MSRA: variants seen among roughly 807,000 people sequenced by gnomAD.
The protein encoded by MSRA is mitochondrial peptide methionine sulfoxide reductase.
A neutral mutation model predicts 31.3 loss-of-function variants in MSRA; 54 were observed. That is an observed-to-expected ratio of 1.73 (90% CI 1.39 to 2.17). The LOEUF is 2.17. Among genes scored for constraint, MSRA ranks in the 30% most tolerant of loss-of-function variants. The pLI, the probability that MSRA is intolerant of heterozygous loss-of-function variation, is 0.00. For missense variants in MSRA, 507 were observed against 300.9 expected, an observed-to-expected ratio of 1.69 and a Z score of -5.07; for synonymous variants, 169 against 116.5, an observed-to-expected ratio of 1.45 and a Z score of -2.90.
chr8:10,240,096 G>A (rs952657709), intron 2 of MSRA, among the ~76,000 whole-genome samples: 31 of 152,300 alleles, frequency 2.0e-4, no homozygotes, highest in South Asian at 1.9e-3. Flanking sequence ...ACAGAAGTTG[G>A]CCAAGACCCT....
At chr8:10,320,967 G>A (rs1331508508) in intron 5 of MSRA, among the ~76,000 whole-genome samples, 2 of 152,130 alleles carry the variant, frequency 1.3e-5, no homozygotes, top group Non-Finnish European at 2.9e-5. Flanking sequence ...TCCAAGGAAG[G>A]TCACATTCCG....
chr8:10,101,840 T>A (rs1420666389), intron 1 of MSRA, among the ~76,000 whole-genome samples: 1 of 152,244 alleles, frequency 6.6e-6, no homozygotes, highest in Non-Finnish European at 1.5e-5. Flanking sequence ...ATAATGGTGC[T>A]ATGAACATGA....
At chr8:10,331,035 T>C (rs1802665560) in intron 5 of MSRA, among the ~76,000 whole-genome samples, 1 of 152,204 alleles carries the variant, frequency 6.6e-6, no homozygotes, top group African/African-American at 2.4e-5. Flanking sequence ...TTGAGCACTC[T>C]ATTGCTGTGT....
chr8:10,055,847 GA>G (rs1280560127), intron 1 of MSRA, among the ~76,000 whole-genome samples: 25 of 152,148 alleles, frequency 1.6e-4, no homozygotes, highest in Non-Finnish European at 4.4e-5. Flanking sequence ...AGGCAGTTTA[GA>G]AATCGTGTGA....
chr8:10,400,122 G>C (rs1807358126), intron 5 of MSRA, among the ~76,000 whole-genome samples: 1 of 152,088 alleles, frequency 6.6e-6, no homozygotes, highest in South Asian at 2.1e-4. Context: ...TAGAAATGGA[G>C]AATCTTTGAA....
chr8:10,280,109 AGT>A (rs1239165976), intron 3 of MSRA, among the ~76,000 whole-genome samples: 7 of 152,090 alleles, frequency 4.6e-5, no homozygotes, highest in African/African-American at 1.7e-4. Flanking sequence ...AAGTTTTTGC[AGT>A]GTTTTTCTTA....
chr8:10,397,979 C>T (rs1807205645), intron 5 of MSRA, among the ~76,000 whole-genome samples: 1 of 152,174 alleles, frequency 6.6e-6, no homozygotes, highest in Admixed American at 6.5e-5. Context: ...GCTATAACAT[C>T]ACCAATATAA....
chr8:10,058,056 T>C (rs1277625558), intron 1 of MSRA, among the ~76,000 whole-genome samples: 1 of 152,242 alleles, frequency 6.6e-6, no homozygotes, highest in African/African-American at 2.4e-5. Context: ...AAAATAACTT[T>C]GACAAGTTTG....
At chr8:10,419,753 G>A (rs1207624457) in intron 5 of MSRA, among the ~76,000 whole-genome samples, 1 of 152,182 alleles carries the variant, frequency 6.6e-6, no homozygotes, top group African/African-American at 2.4e-5. Context: ...TTGGGTGGAG[G>A]GCAGGCGGGC....
chr8:10,362,864 GC>G (rs1464480308), intron 5 of MSRA, among the ~76,000 whole-genome samples: 9 of 150,148 alleles, frequency 6.0e-5, no homozygotes, highest in African/African-American at 2.2e-4. Context: ...TTCCCTCCTG[GC>G]CCCAGCTCTC....
At chr8:10,248,526 T>C (rs1172718466) in intron 3 of MSRA, among the ~76,000 whole-genome samples, 1 of 152,208 alleles carries the variant, frequency 6.6e-6, no homozygotes, top group Non-Finnish European at 1.5e-5. Context: ...CTACCCCTGC[T>C]GTGCCAGTGG....
At chr8:10,080,250 A>C (rs1228374465) in intron 1 of MSRA, among the ~76,000 whole-genome samples, 1 of 152,064 alleles carries the variant, frequency 6.6e-6, no homozygotes. Flanking sequence ...CTGCCTAGGA[A>C]CTAACTTTAT....
chr8:10,343,175 C>T (rs1803549563), intron 5 of MSRA, among the ~76,000 whole-genome samples: 1 of 152,158 alleles, frequency 6.6e-6, no homozygotes, highest in Non-Finnish European at 1.5e-5. Flanking sequence ...CTCTTGGTCT[C>T]AATTGTTCCT....
rs534989420 is a variant in MSRA, at chr8:10,275,181, T to A, written c.332-26353T>A. Among the ~76,000 whole-genome samples, 12 of 152,294 alleles carry A rather than the reference T, an allele frequency of 7.9e-5. No homozygotes were observed. In the South Asian group the frequency reaches 2.5e-3, roughly 32 times the overall value. ...GAAGATAAGAGTAATGTGAGCAAAG[T>A]TACTGAATAAAACCACATATGACCA... is the stretch of plus-strand genomic sequence containing the variant. On this transcript the variant is annotated intron_variant, in intron 3 of 5. Transcript: ENST00000317173.
intron 5 of MSRA, among the ~76,000 whole-genome samples, chr8:10,322,605 C>G (rs910156105): frequency 6.6e-6 from 1 of 152,106 alleles, no homozygotes; most frequent in Non-Finnish European, 1.5e-5. Flanking sequence ...TTTGGAGGAG[C>G]CATGGGCTGT....
intron 5 of MSRA, among the ~76,000 whole-genome samples, chr8:10,417,950 C>T (rs1345522569): frequency 6.6e-6 from 1 of 152,070 alleles, no homozygotes; most frequent in Non-Finnish European, 1.5e-5. Context: ...GTCTAGAATC[C>T]ACATGCCCGC....
chr8:10,094,779 A>G (rs1476532200), intron 1 of MSRA, among the ~76,000 whole-genome samples: 1 of 152,244 alleles, frequency 6.6e-6, no homozygotes, highest in Non-Finnish European at 1.5e-5. Context: ...AGCAAACAGT[A>G]CTTATTTATG....
intron 1 of MSRA, among the ~76,000 whole-genome samples, chr8:10,079,155 G>T (rs1443464911): frequency 6.6e-6 from 1 of 152,090 alleles, no homozygotes; most frequent in Non-Finnish European, 1.5e-5. Flanking sequence ...AGCATATGAT[G>T]TGGTACTTTT....
In MSRA at chr8:10,353,538, C is replaced by G. The variant is rs1804324486; in HGVS notation, c.543+33549C>G. The G allele has an allele frequency of 8.8e-6, 4 of 452,564 alleles. No homozygotes were observed. In the Admixed American group the frequency reaches 9.4e-5, roughly 11 times the overall value. The allele number at this position is 452,564 out of a possible 1,614,324, so 28.0% of individuals were successfully genotyped here. ...GCAGTTGGTCCCCTGCAGAGCACGA[C>G]ACCTGACGTTTCTGTAACGAGATGC... is the stretch of plus-strand genomic sequence containing the variant. On this transcript the variant is annotated intron_variant, in intron 5 of 5. Coordinates refer to ENST00000317173, the MANE Select transcript of MSRA (RefSeq NM_012331.5).
Sources: allele counts gnomAD v4.1 joint callset (sites outside exome capture counted in the v4.1 genomes callset), GRCh38; gene constraint gnomAD v4.1.1; transcripts MANE v1.5; gene names NCBI Gene and HGNC (gene_info 2026-07-23, HGNC 2026-07-21).